PARD3B: variants seen among roughly 807,000 people sequenced by gnomAD.
The protein encoded by PARD3B is par-3 family cell polarity regulator beta.
Under a neutral mutation model 130.2 loss-of-function variants are expected in PARD3B, and 103 were observed. The ratio of observed to expected loss-of-function variants is 0.79; its 90% CI spans 0.67 to 0.93. PARD3B has a LOEUF of 0.93. PARD3B is among the 40% of genes least tolerant of loss of function. The pLI, the probability that PARD3B is intolerant of heterozygous loss-of-function variation, is 0.00. For missense variants in PARD3B, 1,609 were observed against 1,499.2 expected (o/e 1.07, Z -1.21); for synonymous variants, 583 against 553.2 (o/e 1.05, Z -0.76).
At chr2:205,014,252 C>T (rs1383592127) in intron 3 of PARD3B, among the ~76,000 whole-genome samples, 2 of 152,218 alleles carry the variant, frequency 1.3e-5, no homozygotes, top group African/African-American at 2.4e-5. Context: ...CCAGAAATTT[C>T]CTGACAGCTG....
intron 1 of PARD3B, among the ~76,000 whole-genome samples, chr2:204,659,866 C>T (rs2035746350): frequency 6.6e-6 from 1 of 152,156 alleles, no homozygotes; most frequent in Non-Finnish European, 1.5e-5. Context: ...ATACAACTAC[C>T]TAGGTCAAAG....
intron 18 of PARD3B, among the ~76,000 whole-genome samples, chr2:205,374,808 G>T (rs1379082731): frequency 6.6e-6 from 1 of 152,038 alleles, no homozygotes; most frequent in Non-Finnish European, 1.5e-5. Context: ...ACCATAAAAT[G>T]AAACAAGCCA....
At chr2:205,454,896 C>T (rs997690318) in intron 20 of PARD3B, among the ~76,000 whole-genome samples, 1 of 152,222 alleles carries the variant, frequency 6.6e-6, no homozygotes, top group East Asian at 1.9e-4. Flanking sequence ...TAAAGTCAAA[C>T]ACAAGATAAG....
At chr2:205,547,973 C>G (rs926813872) in intron 21 of PARD3B, among the ~76,000 whole-genome samples, 6 of 152,130 alleles carry the variant, frequency 3.9e-5, no homozygotes, top group Admixed American at 1.3e-4. Context: ...ACACACAGTC[C>G]CTGTCTTACT....
rs557239497 is a variant in PARD3B, at chr2:205,122,138, A to G, written c.1165+189A>G. Among the ~76,000 whole-genome samples the G allele has an allele frequency of 6.6e-5, 10 of 152,196 alleles. No homozygotes were observed. The highest frequency in any genetic ancestry group is 1.2e-4 in the Non-Finnish European group (8 of 68,036). On this transcript the variant is annotated intron_variant, in intron 8 of 22. Transcript: ENST00000406610. The surrounding 1 kb of genome is among the most constrained non-coding windows in gnomAD (Gnocchi z 4.3). ...TTTTTTATTCTTTTCTTCGGAGTGT[A>G]TAGATTATTTTAAACAAGAAAATAA...
At chr2:204,796,283 A>G (rs1241412773) in intron 2 of PARD3B, among the ~76,000 whole-genome samples, 1 of 152,198 alleles carries the variant, frequency 6.6e-6, no homozygotes, top group Admixed American at 6.5e-5. Context: ...ACAGGGAGCA[A>G]TATGACACTG....
At chr2:204,808,110 A>G (rs1242766638) in intron 2 of PARD3B, among the ~76,000 whole-genome samples, 1 of 152,036 alleles carries the variant, frequency 6.6e-6, no homozygotes, top group African/African-American at 2.4e-5. Flanking sequence ...ATTCATAAAA[A>G]TTTAAAAATT....
chr2:205,468,420 C>T (rs368954694), intron 20 of PARD3B, among the ~76,000 whole-genome samples: 4 of 152,200 alleles, frequency 2.6e-5, no homozygotes, highest in Non-Finnish European at 5.9e-5. Flanking sequence ...CTCAAGAAGT[C>T]GTGCCTGTAA....
chr2:204,812,900 G>T (rs2043009674), intron 2 of PARD3B, among the ~76,000 whole-genome samples: 1 of 152,066 alleles, frequency 6.6e-6, no homozygotes. Context: ...AGCATTTCTA[G>T]GGGTAGGGGG....
intron 18 of PARD3B, among the ~76,000 whole-genome samples, chr2:205,356,563 T>C (rs1386789155): frequency 1.3e-5 from 2 of 152,028 alleles, no homozygotes; most frequent in African/African-American, 2.4e-5. Flanking sequence ...ATAGTATCCT[T>C]CATTGAGAAG....
intron 20 of PARD3B, among the ~76,000 whole-genome samples, chr2:205,497,832 C>T (rs1049977563): frequency 6.6e-6 from 1 of 151,904 alleles, no homozygotes; most frequent in East Asian, 1.9e-4. Context: ...GTTAAAGTAC[C>T]AAAATTTGTA....
At position 205,004,715 on chromosome 2, in the gene PARD3B, C is replaced by G. The variant is rs1695112824; in HGVS notation, c.394+39392C>G. On this transcript the variant is annotated intron_variant, in intron 3 of 22. Coordinates refer to ENST00000406610, the MANE Select transcript of PARD3B (RefSeq NM_001302769.2). ...CATGGGGCAAATAAATATTGCATTTCTCTTTATTATCACTTCAAATATGTG... is the reference window on the plus strand; with the variant it reads ...CATGGGGCAAATAAATATTGCATTTGTCTTTATTATCACTTCAAATATGTG... Among the ~76,000 whole-genome samples, 5 of 152,162 alleles carry G rather than the reference C, an allele frequency of 3.3e-5. No individual in the cohort carries two copies. The South Asian group carries it at 1.0e-3, about 32-fold the overall frequency.
chr2:204,893,669 G>T (rs2046531590), intron 2 of PARD3B, among the ~76,000 whole-genome samples: 1 of 152,056 alleles, frequency 6.6e-6, no homozygotes, highest in African/African-American at 2.4e-5. Context: ...GAAAAGTTAT[G>T]GAAATAAGGC....
chr2:205,437,752 G>T (rs2047567513), intron 19 of PARD3B, among the ~76,000 whole-genome samples: 1 of 152,068 alleles, frequency 6.6e-6, no homozygotes, highest in African/African-American at 2.4e-5. Context: ...TTCCCATAGA[G>T]GAAAAGAGAA....
chr2:205,510,201 C>T (rs1047945874), intron 21 of PARD3B, among the ~76,000 whole-genome samples: 1 of 152,184 alleles, frequency 6.6e-6, no homozygotes, highest in African/African-American at 2.4e-5. Flanking sequence ...AGTACTATGA[C>T]ACACACATGA....
chr2:204,625,319 C>T (rs940801562), intron 1 of PARD3B, among the ~76,000 whole-genome samples: 3 of 152,104 alleles, frequency 2.0e-5, no homozygotes, highest in African/African-American at 2.4e-5. Flanking sequence ...GTGCCATCTA[C>T]TGAAGCTTGG....
At chr2:204,983,364 A>T (rs1692848156) in intron 3 of PARD3B, among the ~76,000 whole-genome samples, 1 of 151,342 alleles carries the variant, frequency 6.6e-6, no homozygotes, top group African/African-American at 2.4e-5. Context: ...AGGCTTTAAT[A>T]AACAATGCAT....
At chr2:205,549,646 G>A (rs2052530557) in intron 21 of PARD3B, among the ~76,000 whole-genome samples, 1 of 152,126 alleles carries the variant, frequency 6.6e-6, no homozygotes, top group Non-Finnish European at 1.5e-5. Flanking sequence ...TGATGAATAG[G>A]CAGAGCACTT....
intron 21 of PARD3B, among the ~76,000 whole-genome samples, chr2:205,538,103 A>C (rs1304859651): frequency 2.6e-5 from 4 of 152,230 alleles, no homozygotes; most frequent in African/African-American, 9.6e-5. Flanking sequence ...AAGATGAATA[A>C]AGCAGGATTA....
Sources: gnomAD v4.1 joint callset for allele counts (sites outside exome capture counted in the v4.1 genomes callset) on GRCh38, gnomAD v4.1.1 for gene constraint, Gnocchi (gnomAD v3.1) non-coding constraint, MANE v1.5 for transcripts, NCBI Gene and HGNC (gene_info 2026-07-23, HGNC 2026-07-21) for gene names.